The following MAD1L1 variants were observed in gnomAD, a reference collection of about 807,000 sequenced individuals.
MAD1L1 encodes the protein mitotic spindle assembly checkpoint protein MAD1.
A neutral mutation model predicts 96.9 loss-of-function variants in MAD1L1; 95 were observed. The ratio of observed to expected loss-of-function variants is 0.98; its 90% CI spans 0.83 to 1.16. MAD1L1 has a LOEUF of 1.16. Ranked by LOEUF, MAD1L1 falls within the 50% of genes most tolerant of loss-of-function variation. The pLI, the probability that MAD1L1 is intolerant of heterozygous loss-of-function variation, is 0.00. For missense variants in MAD1L1, 1,007 were observed against 954.4 expected (o/e 1.06, Z -0.73); for synonymous variants, 473 against 396.6 (o/e 1.19, Z -2.29).
chr7:2,220,186 C>G (rs997588731), intron 5 of MAD1L1, among the ~76,000 whole-genome samples: 5 of 152,202 alleles, frequency 3.3e-5, no homozygotes, highest in Non-Finnish European at 5.9e-5. Flanking sequence ...GCGGTACCTG[C>G]TGGGGAGGCC....
intron 11 of MAD1L1, among the ~76,000 whole-genome samples, chr7:2,111,680 C>G (rs958384807): frequency 2.0e-5 from 3 of 152,222 alleles, no homozygotes; most frequent in Non-Finnish European, 4.4e-5. Flanking sequence ...TTGGGGCCAG[C>G]AGCCGCACGC....
At chr7:1,827,118 G>A (rs1352977630) in intron 18 of MAD1L1, among the ~76,000 whole-genome samples, 1 of 152,238 alleles carries the variant, frequency 6.6e-6, no homozygotes, top group Non-Finnish European at 1.5e-5. Flanking sequence ...CCCCTGCTGT[G>A]AGTGGCATCC....
intron 11 of MAD1L1, among the ~76,000 whole-genome samples, chr7:2,115,079 G>A (rs935892701): frequency 1.3e-5 from 2 of 152,140 alleles, no homozygotes; most frequent in East Asian, 1.9e-4. Flanking sequence ...CTGTATCCCC[G>A]CCCCGCGACC....
In MAD1L1 at chr7:1,969,437, T is replaced by C. The variant is rs138906557; in HGVS notation, c.1505+11016A>G. Among the ~76,000 whole-genome samples the C allele has an allele frequency of 2.0e-3, 305 of 152,302 alleles. 1 individual carries two copies. The highest frequency in any genetic ancestry group is 7.0e-3 in the African/African-American group (290 of 41,552). On this transcript the variant is annotated intron_variant, in intron 15 of 18. Coordinates refer to ENST00000265854, the MANE Select transcript of MAD1L1 (RefSeq NM_001013836.2). Reference sequence around the variant, plus strand: ...AACCTATAGCTTATGTCAATCTCAATGGTGAAAGGCTAAAAGCTTTTCCCC... The same window carrying C: ...AACCTATAGCTTATGTCAATCTCAACGGTGAAAGGCTAAAAGCTTTTCCCC...
rs371511846 is a variant in MAD1L1, at chr7:2,098,809, GC to G, written c.1074-29472del. On this transcript the variant is annotated intron_variant, in intron 11 of 18. Transcript: ENST00000265854. ...CACACGCCAGGCATCACGCACCAAG[GC>G]CCGGCGTCCCCAGAGGTGGGCCCAA... 2.5e-3 allele frequency among the ~76,000 whole-genome samples: 383 copies of G among 152,336 alleles called. 1 individual carries two copies. The highest frequency in any genetic ancestry group is 9.0e-3 in the African/African-American group (374 of 41,582).
intron 18 of MAD1L1, among the ~76,000 whole-genome samples, chr7:1,820,435 C>G (rs1782063568): frequency 6.6e-6 from 1 of 152,060 alleles, no homozygotes; most frequent in Non-Finnish European, 1.5e-5. Context: ...AACAGGAAAA[C>G]AAAAGTTATT....
chr7:2,005,657 T>A (rs1236626273), intron 13 of MAD1L1, among the ~76,000 whole-genome samples: 1 of 151,966 alleles, frequency 6.6e-6, no homozygotes, highest in African/African-American at 2.4e-5. Flanking sequence ...AAAAATCAGC[T>A]GGGTGTGGTA....
intron 17 of MAD1L1, among the ~76,000 whole-genome samples, chr7:1,919,240 G>C (rs1054289483): frequency 6.6e-6 from 1 of 152,248 alleles, no homozygotes; most frequent in Admixed American, 6.5e-5. Flanking sequence ...ACCCCCAACT[G>C]TTACGACGTG....
intron 11 of MAD1L1, among the ~76,000 whole-genome samples, chr7:2,126,169 G>A (rs925171256): frequency 1.3e-5 from 2 of 152,214 alleles, no homozygotes; most frequent in Non-Finnish European, 2.9e-5. Context: ...CTAGGTTCCT[G>A]CAAAGACCGG....
Position 2,225,438 on chromosome 7 carries a change from G to C in MAD1L1, c.263C>G (p.Ala88Gly), listed in dbSNP as rs1238575632. 6 of 1,613,908 alleles carry C rather than the reference G, an allele frequency of 3.7e-6. No individual in the cohort carries two copies. The African/African-American group carries it at 8.0e-5, about 22-fold the overall frequency. The change falls in exon 4 of 19, where the codon GCA becomes GGA. Residue 88 changes from alanine (A) to glycine (G), a missense_variant. Ala to Gly is a moderately conservative substitution (Grantham distance 60, BLOSUM62 0). Coordinates refer to ENST00000265854, the MANE Select transcript of MAD1L1 (RefSeq NM_001013836.2). ...GTAGTTCCTGGCACTGGTGCTGGCT[G>C]CTCTCTCCAGCTCCACTCGAGCCCT... is the stretch of plus-strand genomic sequence containing the variant. ...HKRARVELER[A>G]ASTSARNYER...
chr7:1,909,099 G>T (rs1041225800), intron 17 of MAD1L1, among the ~76,000 whole-genome samples: 3 of 152,214 alleles, frequency 2.0e-5, no homozygotes, highest in Non-Finnish European at 2.9e-5. Flanking sequence ...GGAGCAGCGG[G>T]ACCAGCCTCT....
intron 17 of MAD1L1, among the ~76,000 whole-genome samples, chr7:1,904,103 G>A (rs1410310259): frequency 7.7e-6 from 1 of 130,070 alleles, no homozygotes; most frequent in African/African-American, 2.7e-5. Context: ...CGCTCTTGCG[G>A]AACTCAAGAT....
At chr7:1,993,322 A>G (rs977731912) in intron 14 of MAD1L1, among the ~76,000 whole-genome samples, 1 of 152,196 alleles carries the variant, frequency 6.6e-6, no homozygotes, top group African/African-American at 2.4e-5. Flanking sequence ...GGGAGCCACA[A>G]TGCAACCAGC....
In MAD1L1 at chr7:2,002,110, C is replaced by T. The variant is rs764118232; in HGVS notation, c.1371G>A (p.Ser457=). The T allele has an allele frequency of 6.2e-5, 100 of 1,612,984 alleles. No individual in the cohort carries two copies. The highest frequency in any genetic ancestry group is 7.1e-5 in the Non-Finnish European group (84 of 1,180,012). ...GGCCTCCCAGCTCCTCCAGGGCCTGCGACAGCTGAGCCTGCAAGACAAGAC... is the reference window on the plus strand; with the variant it reads ...GGCCTCCCAGCTCCTCCAGGGCCTGTGACAGCTGAGCCTGCAAGACAAGAC... ...SHSAEMEAQL[S]QALEELGGQK... Residue 457 remains serine, a synonymous_variant, in exon 14 of 19, where the codon TCG becomes TCA. Coordinates refer to ENST00000265854, the MANE Select transcript of MAD1L1 (RefSeq NM_001013836.2).
At chr7:1,828,939 C>T (rs1233389981) in intron 18 of MAD1L1, among the ~76,000 whole-genome samples, 3 of 152,098 alleles carry the variant, frequency 2.0e-5, no homozygotes, top group Non-Finnish European at 4.4e-5. Context: ...GTACGGGGGA[C>T]GGATCCATGC....
chr7:1,849,070 A>ATG (rs1235803409), intron 18 of MAD1L1: 4,973 of 96,146 alleles, frequency 0.052, 109 homozygotes, highest in Non-Finnish European at 0.079. Context: ...ACACACACAC[A>ATG]CACAAATGCA....
chr7:1,834,255 C>T (rs749999477), intron 18 of MAD1L1, among the ~76,000 whole-genome samples: 26 of 151,844 alleles, frequency 1.7e-4, no homozygotes, highest in Non-Finnish European at 2.8e-4. Flanking sequence ...ACTTCAGCTT[C>T]GACCTTAAGG....
rs541191885 is a variant in MAD1L1, at chr7:1,869,569, G to GA, written c.1998+28630dup. On this transcript the variant is annotated intron_variant, in intron 18 of 18. Coordinates refer to ENST00000265854, the MANE Select transcript of MAD1L1 (RefSeq NM_001013836.2). Reference sequence around the variant, plus strand: ...CAACCTCAGTATCACAGGGACCCGGGAAAAAACACTGAAAAACGTGACAAA... The same window carrying GA: ...CAACCTCAGTATCACAGGGACCCGGGAAAAAAACACTGAAAAACGTGACAAA... 2.6e-4 allele frequency among the ~76,000 whole-genome samples: 40 copies of GA among 152,206 alleles called. No individual in the cohort carries two copies. In the East Asian group the frequency reaches 6.0e-3, roughly 23 times the overall value.
At chr7:2,165,992 T>C (rs1362678939) in intron 10 of MAD1L1, among the ~76,000 whole-genome samples, 4 of 151,998 alleles carry the variant, frequency 2.6e-5, no homozygotes, top group Non-Finnish European at 5.9e-5. Context: ...AGTCCTGGGG[T>C]CCATACTGAT....
Sources: gnomAD v4.1 joint callset for allele counts (sites outside exome capture counted in the v4.1 genomes callset) on GRCh38, gnomAD v4.1.1 for gene constraint, MANE v1.5 for transcripts, NCBI Gene and HGNC (gene_info 2026-07-23, HGNC 2026-07-21) for gene names.